Variants in DENND1B observed in about 807,000 individuals in gnomAD.
DENND1B encodes DENN domain containing 1B, also known as DENN domain-containing protein 1B.
A neutral mutation model predicts 90.1 loss-of-function variants in DENND1B; 59 were observed. That is an observed-to-expected ratio of 0.65 (90% CI 0.53 to 0.81). DENND1B has a LOEUF of 0.81. Among genes scored for constraint, DENND1B ranks in the 40% least tolerant of loss-of-function variants. The probability of loss-of-function intolerance (pLI) is 0.00; values close to 1 mark genes in which losing one functional copy is unlikely to be tolerated. For synonymous variants in DENND1B, 337 were observed against 324.6 expected, an observed-to-expected ratio of 1.04 and a Z score of -0.41; for missense variants, 862 against 912.6, an observed-to-expected ratio of 0.94 and a Z score of 0.71.
intron 5 of DENND1B, among the ~76,000 whole-genome samples, chr1:197,662,560 G>A (rs1013542551): frequency 2.0e-5 from 3 of 151,902 alleles, no homozygotes; most frequent in Non-Finnish European, 2.9e-5. Context: ...TCTATATAGC[G>A]AGCCTTTTTT....
At chr1:197,584,659 T>A (rs1257426824) in intron 14 of DENND1B, among the ~76,000 whole-genome samples, 1 of 152,112 alleles carries the variant, frequency 6.6e-6, no homozygotes, top group Non-Finnish European at 1.5e-5. Context: ...TTTATACAGA[T>A]GATTGCCAAT....
intron 15 of DENND1B, among the ~76,000 whole-genome samples, chr1:197,561,992 C>T (rs892613321): frequency 2.0e-5 from 3 of 151,712 alleles, no homozygotes; most frequent in African/African-American, 7.3e-5. Flanking sequence ...TTTTGGCCAC[C>T]CCACAGGATA....
intron 14 of DENND1B, among the ~76,000 whole-genome samples, chr1:197,590,677 T>C (rs918095320): frequency 1.3e-5 from 2 of 152,158 alleles, no homozygotes; most frequent in Non-Finnish European, 2.9e-5. Context: ...TAGCAGAATT[T>C]AGCTTATGTA....
intron 14 of DENND1B, among the ~76,000 whole-genome samples, chr1:197,593,889 G>T (rs1675455494): frequency 6.6e-6 from 1 of 151,950 alleles, no homozygotes; most frequent in Non-Finnish European, 1.5e-5. Flanking sequence ...GACATAACCA[G>T]AATCAATCAC....
chr1:197,626,870 C>G (rs547828437), intron 10 of DENND1B, among the ~76,000 whole-genome samples: 1 of 152,168 alleles, frequency 6.6e-6, no homozygotes, highest in East Asian at 1.9e-4. Flanking sequence ...CACAGAAATA[C>G]AAACTACCAT....
chr1:197,658,348 C>T lies in DENND1B; in HGVS notation c.318G>A (p.Val106=). The change falls in exon 6 of 23, where the codon GTG becomes GTA. Residue 106 remains valine (V), a synonymous_variant. Transcript: ENST00000620048. The stretch of plus-strand genomic sequence containing the variant: ...CAAGAGTATTTAGAAGCTTGTAATA[C>T]ACTTCAAACCAGGGAAGGTAACTGT... ...CILSYLPWFE[V]YYKLLNTLAD... is the part of the protein sequence containing the mutation. 6.2e-7 allele frequency: 1 copy of T among 1,606,170 alleles called. No homozygotes were observed. The highest frequency in any genetic ancestry group is 8.5e-7 in the Non-Finnish European group (1 of 1,174,982).
chr1:197,682,797 T>A (rs1304691706), intron 3 of DENND1B, among the ~76,000 whole-genome samples: 1 of 152,160 alleles, frequency 6.6e-6, no homozygotes, highest in Non-Finnish European at 1.5e-5. Flanking sequence ...GAAAAAGAAG[T>A]ACAAATGTTG....
intron 2 of DENND1B, among the ~76,000 whole-genome samples, chr1:197,756,958 G>T (rs1039803425): frequency 6.0e-5 from 9 of 150,320 alleles, no homozygotes; most frequent in African/African-American, 1.9e-4. Context: ...GATATACTGT[G>T]ACACTATGCC....
At chr1:197,603,533 TA>T (rs958182649) in intron 13 of DENND1B, among the ~76,000 whole-genome samples, 5 of 150,384 alleles carry the variant, frequency 3.3e-5, no homozygotes, top group South Asian at 2.1e-4. Context: ...GCAATACAGG[TA>T]AAAAAAAACT....
intron 2 of DENND1B, among the ~76,000 whole-genome samples, chr1:197,753,599 C>G (rs1653850458): frequency 6.6e-6 from 1 of 152,022 alleles, no homozygotes; most frequent in Non-Finnish European, 1.5e-5. Flanking sequence ...ATTTACCACT[C>G]TGGTGGGGGA....
At chr1:197,537,686 AAG>A (rs1670016218) in intron 20 of DENND1B, among the ~76,000 whole-genome samples, 1 of 152,062 alleles carries the variant, frequency 6.6e-6, no homozygotes, top group Non-Finnish European at 1.5e-5. Context: ...ATAATAAAAA[AAG>A]AAATTGTCTC....
intron 2 of DENND1B, among the ~76,000 whole-genome samples, chr1:197,722,797 A>G (rs895336753): frequency 2.6e-5 from 4 of 152,140 alleles, no homozygotes; most frequent in South Asian, 4.1e-4. Context: ...TCTATTTGTT[A>G]TTTTACATAA....
At chr1:197,702,018 T>C (rs888766336) in intron 3 of DENND1B, among the ~76,000 whole-genome samples, 2 of 152,196 alleles carry the variant, frequency 1.3e-5, no homozygotes, top group African/African-American at 4.8e-5. Context: ...CCTTTGCTCT[T>C]GTGTTAGTAT....
At chr1:197,679,251 T>C (rs1656404492) in intron 3 of DENND1B, among the ~76,000 whole-genome samples, 2 of 148,236 alleles carry the variant, frequency 1.3e-5, no homozygotes, top group Admixed American at 6.7e-5. Flanking sequence ...CCAATGTCAA[T>C]GAAAAAGACT....
chr1:197,651,045 A>G (rs1653102855), intron 7 of DENND1B, among the ~76,000 whole-genome samples: 1 of 152,166 alleles, frequency 6.6e-6, no homozygotes, highest in African/African-American at 2.4e-5. Context: ...AATTTTTAAA[A>G]AGAAGAAAGT....
intron 2 of DENND1B, among the ~76,000 whole-genome samples, chr1:197,736,991 T>C (rs1662755654): frequency 6.6e-6 from 1 of 152,230 alleles, no homozygotes; most frequent in African/African-American, 2.4e-5. Flanking sequence ...ACTATTGCTA[T>C]GTCTCTTGAA....
chr1:197,516,814 CT>C (rs1668431931), intron 20 of DENND1B, among the ~76,000 whole-genome samples: 1 of 151,684 alleles, frequency 6.6e-6, no homozygotes, highest in South Asian at 2.1e-4. Flanking sequence ...TATGCAGGAC[CT>C]GAAATGTAAA....
intron 10 of DENND1B, among the ~76,000 whole-genome samples, chr1:197,641,601 T>G (rs930163283): frequency 6.6e-6 from 1 of 152,124 alleles, no homozygotes; most frequent in African/African-American, 2.4e-5. Context: ...TTTTTGAGAT[T>G]TTCGTGAATT....
At chr1:197,762,081 T>C (rs1655122260) in intron 2 of DENND1B, 1 of 152,128 alleles carries the variant, frequency 6.6e-6, no homozygotes, top group Admixed American at 6.5e-5. Flanking sequence ...ACAATATAAC[T>C]TATAGCAAGT....
Sources: gnomAD v4.1 joint callset for allele counts (sites outside exome capture counted in the v4.1 genomes callset) on GRCh38, gnomAD v4.1.1 for gene constraint, MANE v1.5 for transcripts, NCBI Gene and HGNC (gene_info 2026-07-23, HGNC 2026-07-21) for gene names.